COL14A1: variants seen among roughly 807,000 people sequenced by gnomAD.
COL14A1 encodes the protein collagen alpha-1(XIV) chain.
In COL14A1, 136 loss-of-function variants were observed where a neutral mutation model predicts 230.3. The observed-to-expected ratio is 0.59, with a 90% CI of 0.51 to 0.68. The LOEUF is 0.68. COL14A1 is among the 30% of genes least tolerant of loss of function. COL14A1 has a pLI of 0.00. For missense variants in COL14A1, 1,976 were observed against 2,215.8 expected (o/e 0.89, Z 2.17); for synonymous variants, 792 against 784.1 (o/e 1.01, Z -0.17).
intron 19 of COL14A1, among the ~76,000 whole-genome samples, chr8:120,233,776 G>C (rs1024662421): frequency 3.3e-5 from 5 of 152,208 alleles, no homozygotes; most frequent in African/African-American, 1.2e-4. Context: ...TGTTCTTTTT[G>C]CTTAGGATTG....
intron 19 of COL14A1, among the ~76,000 whole-genome samples, chr8:120,236,756 C>T (rs1175517720): frequency 4.6e-5 from 7 of 152,046 alleles, no homozygotes; most frequent in South Asian, 2.1e-4. Flanking sequence ...TGGCTGGTAC[C>T]GGTTTTTACT....
At chr8:120,273,901 G>A (rs533620552) in intron 26 of COL14A1, among the ~76,000 whole-genome samples, 7 of 151,432 alleles carry the variant, frequency 4.6e-5, no homozygotes, top group African/African-American at 1.7e-4. Flanking sequence ...AAACTATTAG[G>A]TTGGTGCAAA....
At chr8:120,162,764 G>A (rs889686412) in intron 4 of COL14A1, among the ~76,000 whole-genome samples, 195 bp downstream of exon 4, 7 of 152,010 alleles carry the variant, frequency 4.6e-5, no homozygotes, top group Admixed American at 1.3e-4. Flanking sequence ...CCCCCATTTT[G>A]CTATATTCTT....
chr8:120,174,957 C>T (rs1467765877), intron 5 of COL14A1, among the ~76,000 whole-genome samples: 2 of 152,180 alleles, frequency 1.3e-5, no homozygotes, highest in Admixed American at 6.5e-5. Flanking sequence ...ATAAGCCCCT[C>T]CTCCAAGTCG....
rs753420654 is a variant in COL14A1 at position 120,289,699 on chromosome 8, C to T, written c.4169C>T (p.Thr1390Met). ...EKAMNASANI[T>M]SDGVEVLGKM... ...GCAATGAACGCATCAGCTAATATCA[C>T]GTCAGATGGTGTAGAAGTGCTAGGG... is the stretch of plus-strand genomic sequence containing the variant. The change falls in exon 34 of 48, where the codon ACG (threonine) becomes ATG (methionine). Residue 1390 changes from threonine to methionine, a missense_variant. Around this residue, in one of 3 missense-constraint regions of COL14A1, gnomAD observed 1,791 missense variants for 2,019.5 expected, o/e 0.89. Coordinates refer to ENST00000297848, the MANE Select transcript of COL14A1 (RefSeq NM_021110.4). 21 of 1,613,868 alleles carry T rather than the reference C, an allele frequency of 1.3e-5. No individual in the cohort carries two copies. Among genetic ancestry groups the T allele is most frequent in the South Asian group, 7.7e-5 (7 of 91,086 alleles).
At chr8:120,269,668 T>C (rs1357076570) in intron 25 of COL14A1, among the ~76,000 whole-genome samples, 3 of 151,760 alleles carry the variant, frequency 2.0e-5, no homozygotes, top group Non-Finnish European at 4.4e-5. Flanking sequence ...ATGTCCTTTT[T>C]TCCAATCAGT....
intron 40 of COL14A1, among the ~76,000 whole-genome samples, chr8:120,319,356 T>C (rs1821353032): frequency 6.6e-6 from 1 of 151,864 alleles, no homozygotes; most frequent in Non-Finnish European, 1.5e-5. Context: ...TTATTTTTGG[T>C]AGATATGGGG....
At chr8:120,247,509 T>C in intron 20 of COL14A1, 104 bp from the exon 21 acceptor site, 1 of 1,116,078 alleles carries the variant, frequency 9.0e-7, no homozygotes, top group Non-Finnish European at 1.2e-6. Context: ...TTTTAAATAT[T>C]TTTAATTTTG....
At chr8:120,303,995 C>A (rs952483628) in intron 36 of COL14A1, among the ~76,000 whole-genome samples, 1 of 152,018 alleles carries the variant, frequency 6.6e-6, no homozygotes, top group African/African-American at 2.4e-5. Flanking sequence ...AGGAATTTAT[C>A]CATCTCTTCT....
intron 8 of COL14A1, among the ~76,000 whole-genome samples, 184 bp downstream of exon 8, chr8:120,199,750 G>A (rs578185214): frequency 5.0e-4 from 76 of 152,226 alleles, no homozygotes; most frequent in Admixed American, 9.8e-4. Context: ...TGGGAGTGAT[G>A]CTAGCTGTCA....
At chr8:120,203,214 G>A (rs1350979403) in intron 8 of COL14A1, among the ~76,000 whole-genome samples, 24 of 151,618 alleles carry the variant, frequency 1.6e-4, no homozygotes, top group Admixed American at 1.4e-3. Context: ...ATTTAAAAAC[G>A]ATTCTGCAAC....
At chr8:120,337,401 T>TAAAAAA (rs60418574) in intron 42 of COL14A1, among the ~76,000 whole-genome samples, 84 of 129,276 alleles carry the variant, frequency 6.5e-4, no homozygotes, top group South Asian at 9.9e-4. Flanking sequence ...GTCTCAAAAT[T>TAAAAAA]AAAAAAAAAA....
rs1361973473 is a variant in COL14A1, at chr8:120,195,431, AT to A, written c.437-1358del. 1.4e-4 allele frequency among the ~76,000 whole-genome samples: 21 copies of A among 152,258 alleles called. No individual in the cohort carries two copies. In the East Asian group the frequency reaches 3.9e-3, roughly 28 times the overall value. On this transcript the variant is annotated intron_variant, in intron 5 of 47. Transcript: ENST00000297848. ...AATGATCTCTAGTCCTAACATGAAA[AT>A]TCAGCAAAGTTAAGCAGTTCTTTGG...
chr8:120,345,654 T>G, intron 45 of COL14A1, 91 bp downstream of exon 45: 1 of 1,087,972 alleles, frequency 9.2e-7, no homozygotes, highest in Non-Finnish European at 1.2e-6. Context: ...GGATAAAGTC[T>G]GAAACAATGG....
intron 1 of COL14A1, among the ~76,000 whole-genome samples, chr8:120,141,828 T>C (rs1308380950): frequency 1.3e-5 from 2 of 152,244 alleles, no homozygotes; most frequent in Non-Finnish European, 2.9e-5. Context: ...CTTTTCCCTA[T>C]GTTAAAGAGG....
chr8:120,161,412 G>A (rs1815662256), intron 3 of COL14A1, among the ~76,000 whole-genome samples: 1 of 152,158 alleles, frequency 6.6e-6, no homozygotes, highest in Non-Finnish European at 1.5e-5. Context: ...TTTATCATCA[G>A]CACTTTCAAG....
At chr8:120,173,381 T>C (rs1816157038) in intron 5 of COL14A1, among the ~76,000 whole-genome samples, 1 of 152,192 alleles carries the variant, frequency 6.6e-6, no homozygotes, top group Non-Finnish European at 1.5e-5. Context: ...TGAGCGCTTG[T>C]ATTTTTTCTA....
rs192200560 is a variant in COL14A1, at chr8:120,216,577, G to A, written c.1737+87G>A. 2.5e-4 allele frequency: 323 copies of A among 1,312,082 alleles called. No individual in the cohort carries two copies. In the African/African-American group the frequency reaches 3.8e-3, roughly 16 times the overall value. The allele number at this position is 1,312,082 out of a possible 1,614,324, so 81.3% of individuals were successfully genotyped here. A position where few individuals can be genotyped will look rare whatever the true frequency, so the allele number is the denominator to read the frequency against. ...ATAACCAATCATCTCAAAGCCTAGT[G>A]GCTTAAAATAATAGTAATTATTTAT... On this transcript the variant is annotated intron_variant, in intron 14 of 47. Coordinates refer to ENST00000297848, the MANE Select transcript of COL14A1 (RefSeq NM_021110.4).
intron 24 of COL14A1, among the ~76,000 whole-genome samples, chr8:120,263,984 CA>C (rs1451023421): frequency 1.3e-5 from 2 of 152,078 alleles, no homozygotes; most frequent in Non-Finnish European, 2.9e-5. Flanking sequence ...ATTTATATAA[CA>C]TAAAATTTAA....
Sources: allele counts gnomAD v4.1 joint callset (sites outside exome capture counted in the v4.1 genomes callset), GRCh38; gene constraint gnomAD v4.1.1; regional missense constraint gnomAD v4.1.1; transcripts MANE v1.5; gene names NCBI Gene and HGNC (gene_info 2026-07-23, HGNC 2026-07-21).